Variants in ARB2A observed in about 807,000 individuals in gnomAD.
The protein encoded by ARB2A is cotranscriptional regulator ARB2A.
At chr5:93,820,273 C>A in the ARB2A span, among the ~76,000 whole-genome samples, 7 of 152,098 alleles carry the variant, frequency 4.6e-5, no homozygotes, top group Non-Finnish European at 1.0e-4. Context: ...AGATCAATAA[C>A]TGGGCATTGA....
At chr5:93,966,994 G>A in the ARB2A span, among the ~76,000 whole-genome samples, 4 of 151,430 alleles carry the variant, frequency 2.6e-5, no homozygotes, top group East Asian at 7.7e-4. Flanking sequence ...CATCTTTTGA[G>A]GGAGATACAA....
At chr5:93,668,043 G>T in the ARB2A span, among the ~76,000 whole-genome samples, 1 of 151,714 alleles carries the variant, frequency 6.6e-6, no homozygotes, top group Admixed American at 6.6e-5. Context: ...TTTTCTTTTG[G>T]TAAGAAAAAG....
the ARB2A span, among the ~76,000 whole-genome samples, chr5:93,973,954 G>A: frequency 1.1e-4 from 16 of 152,324 alleles, no homozygotes; most frequent in African/African-American, 3.4e-4. Flanking sequence ...ACACATGCAA[G>A]CACATAGCCT....
chr5:93,944,796 C>T, the ARB2A span, among the ~76,000 whole-genome samples: 1 of 152,074 alleles, frequency 6.6e-6, no homozygotes, highest in African/African-American at 2.4e-5. Flanking sequence ...ATACAGATGT[C>T]ACCTCTGTAT....
the ARB2A span, among the ~76,000 whole-genome samples, chr5:93,949,474 T>C: frequency 6.6e-6 from 1 of 151,914 alleles, no homozygotes; most frequent in African/African-American, 2.4e-5. Flanking sequence ...GGCAGGAGAA[T>C]CGCTTGAACC....
the ARB2A span, among the ~76,000 whole-genome samples, chr5:93,868,334 A>G: frequency 6.6e-6 from 1 of 152,122 alleles, no homozygotes; most frequent in Admixed American, 6.5e-5. Context: ...ACAACAAGAA[A>G]AGAAATGAGA....
the ARB2A span, among the ~76,000 whole-genome samples, chr5:93,908,028 C>G: frequency 6.6e-6 from 1 of 150,960 alleles, no homozygotes; most frequent in East Asian, 1.9e-4. Context: ...TATTACCATC[C>G]CCTCAACAGA....
the ARB2A span, among the ~76,000 whole-genome samples, chr5:94,008,779 G>C: frequency 1.3e-5 from 2 of 152,062 alleles, no homozygotes; most frequent in African/African-American, 4.8e-5. Context: ...TGGTCCTCAA[G>C]ACTATCTTAA....
the ARB2A span, among the ~76,000 whole-genome samples, chr5:93,632,169 G>T: frequency 1.3e-5 from 2 of 152,184 alleles, no homozygotes; most frequent in African/African-American, 4.8e-5. Context: ...GCAAACTTCA[G>T]AGAGTTAGAA....
the ARB2A span, among the ~76,000 whole-genome samples, chr5:93,995,390 A>G: frequency 9.2e-5 from 14 of 152,246 alleles, no homozygotes; most frequent in African/African-American, 2.7e-4. Flanking sequence ...ACCCGTACAA[A>G]GTGCAATTAG....
chr5:94,022,068 CA>C, the ARB2A span, among the ~76,000 whole-genome samples: 1 of 152,064 alleles, frequency 6.6e-6, no homozygotes, highest in Non-Finnish European at 1.5e-5. Context: ...AACTCTGTCG[CA>C]AATAATAATA....
the ARB2A span, among the ~76,000 whole-genome samples, chr5:94,072,332 C>T: frequency 3.3e-5 from 5 of 151,732 alleles, no homozygotes; most frequent in Admixed American, 1.3e-4. Flanking sequence ...TACATAGGAT[C>T]GAATTGCACA....
At chr5:93,834,650 T>C in the ARB2A span, among the ~76,000 whole-genome samples, 1 of 152,288 alleles carries the variant, frequency 6.6e-6, no homozygotes, top group African/African-American at 2.4e-5. Context: ...CTTAGATTAG[T>C]TTTAAATATA....
the ARB2A span, among the ~76,000 whole-genome samples, chr5:93,655,264 G>T: frequency 6.6e-6 from 1 of 152,122 alleles, no homozygotes; most frequent in African/African-American, 2.4e-5. Flanking sequence ...CTAAGAGCTT[G>T]TTTCTTTAGT....
the ARB2A span, among the ~76,000 whole-genome samples, chr5:93,941,887 T>C: frequency 6.6e-6 from 1 of 152,132 alleles, no homozygotes; most frequent in South Asian, 2.1e-4. Context: ...CTCTCACAGA[T>C]TACTCTTCAC....
the ARB2A span, among the ~76,000 whole-genome samples, chr5:93,773,395 T>C: frequency 3.3e-5 from 5 of 152,302 alleles, no homozygotes; most frequent in African/African-American, 1.2e-4. Context: ...TAATAAGTAG[T>C]ATCTCTGCAA....
the ARB2A span, among the ~76,000 whole-genome samples, chr5:93,916,610 CGA>C: frequency 6.6e-6 from 1 of 152,030 alleles, no homozygotes; most frequent in African/African-American, 2.4e-5. Flanking sequence ...TTTGTAATTT[CGA>C]GAGTCTCTGT....
At chr5:93,855,626 C>A in the ARB2A span, among the ~76,000 whole-genome samples, 1 of 151,942 alleles carries the variant, frequency 6.6e-6, no homozygotes, top group Non-Finnish European at 1.5e-5. Flanking sequence ...TTAGTGCTTC[C>A]TTCAGGAGCT....
the ARB2A span, among the ~76,000 whole-genome samples, chr5:94,018,063 G>A: frequency 6.6e-6 from 1 of 152,056 alleles, no homozygotes; most frequent in Non-Finnish European, 1.5e-5. Context: ...TGATTCTGAG[G>A]CCTGCCCAGC....
Sources: gnomAD v4.1 joint callset for allele counts (sites outside exome capture counted in the v4.1 genomes callset) on GRCh38, gnomAD v4.1.1 for gene constraint, MANE v1.5 for transcripts, NCBI Gene and HGNC (gene_info 2026-07-23, HGNC 2026-07-21) for gene names.